The following PTPRD variants were observed in gnomAD, a reference collection of about 807,000 sequenced individuals.
PTPRD encodes the protein receptor-type tyrosine-protein phosphatase delta.
In PTPRD, 34 loss-of-function variants were observed where a neutral mutation model predicts 214.5. The observed-to-expected ratio is 0.16, with a 90% CI of 0.12 to 0.21. The LOEUF (loss-of-function observed/expected upper bound fraction) is 0.21. PTPRD is among the 10% of genes least tolerant of loss of function. The probability of loss-of-function intolerance (pLI) is 1.00; values close to 1 mark genes in which losing one functional copy is unlikely to be tolerated. For missense variants in PTPRD, 2,545 were observed against 2,398.7 expected (o/e 1.06, Z -1.27); for synonymous variants, 1,128 against 845.7 (o/e 1.33, Z -5.79).
intron 7 of PTPRD, among the ~76,000 whole-genome samples, chr9:9,638,099 C>T (rs980905951): frequency 2.6e-5 from 4 of 152,128 alleles, no homozygotes; most frequent in Non-Finnish European, 4.4e-5. Flanking sequence ...TATCAGGCTG[C>T]CTTCTATCCA....
intron 3 of PTPRD, among the ~76,000 whole-genome samples, chr9:10,127,977 T>C (rs563463599): frequency 6.6e-6 from 1 of 152,292 alleles, no homozygotes; most frequent in African/African-American, 2.4e-5. Flanking sequence ...ATCCATTTTA[T>C]ATTATGCTTC....
intron 8 of PTPRD, among the ~76,000 whole-genome samples, chr9:9,433,321 G>C (rs72704607): frequency 0.065 from 9,832 of 152,164 alleles, 348 homozygotes; most frequent in Middle Eastern, 0.17. Context: ...TTTTCAGACT[G>C]AACTGACACA....
At chr9:9,355,610 A>C (rs2053464246) in intron 9 of PTPRD, among the ~76,000 whole-genome samples, 1 of 151,548 alleles carries the variant, frequency 6.6e-6, no homozygotes, top group Non-Finnish European at 1.5e-5. Flanking sequence ...TTTTCTAGAT[A>C]TTCAAGTGGA....
chr9:9,411,336 G>C (rs967701643), intron 8 of PTPRD, among the ~76,000 whole-genome samples: 5 of 145,706 alleles, frequency 3.4e-5, no homozygotes, highest in African/African-American at 1.3e-4. Flanking sequence ...TGCCTTCTAA[G>C]ATTACCACCC....
intron 9 of PTPRD, among the ~76,000 whole-genome samples, chr9:9,232,313 A>G (rs575088673): frequency 6.6e-6 from 1 of 152,186 alleles, no homozygotes; most frequent in Non-Finnish European, 1.5e-5. Context: ...TGTGAGAACT[A>G]TTGAGAACTG....
At chr9:8,377,093 A>G (rs1178011886) in intron 37 of PTPRD, among the ~76,000 whole-genome samples, 3 of 152,134 alleles carry the variant, frequency 2.0e-5, no homozygotes, top group Non-Finnish European at 2.9e-5. Flanking sequence ...ACACTTTGTC[A>G]TTTAAACTAC....
At chr9:9,719,465 T>C (rs1336774896) in intron 7 of PTPRD, among the ~76,000 whole-genome samples, 1 of 152,102 alleles carries the variant, frequency 6.6e-6, no homozygotes, top group Admixed American at 6.5e-5. Context: ...ACCTCTGGAT[T>C]CCCCAAGCCA....
At chr9:9,666,341 AAGT>A (rs2096721610) in intron 7 of PTPRD, among the ~76,000 whole-genome samples, 1 of 151,926 alleles carries the variant, frequency 6.6e-6, no homozygotes, top group Non-Finnish European at 1.5e-5. Flanking sequence ...TTATTTTAAA[AAGT>A]AGTATCAAAA....
At chr9:8,535,529 G>C (rs974314425) in intron 14 of PTPRD, among the ~76,000 whole-genome samples, 2 of 151,792 alleles carry the variant, frequency 1.3e-5, no homozygotes, top group African/African-American at 2.4e-5. Flanking sequence ...GATGTCAAAG[G>C]TTGTTGTGAA....
At chr9:10,228,179 C>T (rs550248733) in intron 3 of PTPRD, among the ~76,000 whole-genome samples, 1 of 151,848 alleles carries the variant, frequency 6.6e-6, no homozygotes, top group African/African-American at 2.4e-5. Context: ...GAACACAACT[C>T]GTTTAGAAGG....
Position 10,095,054 on chromosome 9 carries a change from A to T in PTPRD, c.-544-61264T>A, listed in dbSNP as rs935019390. Among the ~76,000 whole-genome samples the T allele has an allele frequency of 2.0e-5, 3 of 151,376 alleles. No homozygotes were observed. In the Admixed American group the frequency reaches 2.0e-4, roughly 10 times the overall value. On this transcript the variant is annotated intron_variant, in intron 3 of 45. Coordinates refer to ENST00000381196, the MANE Select transcript of PTPRD (RefSeq NM_002839.4). ...TAAGGTGTCAGCATAGAATTTTTTT[A>T]AAAAATAGAAAACTATGCACAATTT...
chr9:9,427,563 G>A (rs757469169), intron 8 of PTPRD, among the ~76,000 whole-genome samples: 6 of 152,052 alleles, frequency 3.9e-5, no homozygotes, highest in African/African-American at 9.7e-5. Flanking sequence ...CACAGAAAAT[G>A]CCACAAAGAT....
intron 7 of PTPRD, among the ~76,000 whole-genome samples, chr9:9,622,392 G>C (rs1431614521): frequency 1.3e-5 from 2 of 152,138 alleles, no homozygotes; most frequent in Non-Finnish European, 2.9e-5. Context: ...GTACAGCCTA[G>C]CTAAGCCCTT....
intron 3 of PTPRD, among the ~76,000 whole-genome samples, chr9:10,340,464 T>C (rs2154443481): frequency 6.6e-6 from 1 of 152,006 alleles, no homozygotes; most frequent in Non-Finnish European, 1.5e-5. Context: ...GGTCTCTTTT[T>C]GTTTTTTGTT....
chr9:8,643,435 G>A (rs540810709), intron 12 of PTPRD, among the ~76,000 whole-genome samples: 1 of 152,312 alleles, frequency 6.6e-6, no homozygotes. Context: ...GAGTCACTGA[G>A]GTTATGAGTG....
In PTPRD at chr9:8,341,747, C is replaced by G. The variant is rs1233056955; in HGVS notation, c.4893G>C (p.Lys1631Asn). The change falls in exon 40 of 46, where the codon AAG becomes AAC. Residue 1631 changes from lysine (K) to asparagine (N), a missense_variant. Coordinates refer to ENST00000381196, the MANE Select transcript of PTPRD (RefSeq NM_002839.4). ...TCTCTCCCGTTTCTATTTGTGTCAG[C>G]TTCTGAATGTAGGCATACAAGTTTC... ...PARNLYAYIQ[K>N]LTQIETGENV... 6.2e-7 allele frequency: 1 copy of G among 1,613,546 alleles called. No homozygotes were observed. Among genetic ancestry groups the G allele is most frequent in the Non-Finnish European group, 8.5e-7 (1 of 1,179,692 alleles).
intron 12 of PTPRD, among the ~76,000 whole-genome samples, chr9:8,652,805 G>C (rs1299110780): frequency 6.6e-6 from 1 of 152,142 alleles, no homozygotes; most frequent in African/African-American, 2.4e-5. Flanking sequence ...TTGAGTAACA[G>C]AAGCATTTGG....
At chr9:9,045,067 A>T (rs2099667836) in intron 10 of PTPRD, among the ~76,000 whole-genome samples, 1 of 152,178 alleles carries the variant, frequency 6.6e-6, no homozygotes. Flanking sequence ...TGTTAAAGAA[A>T]CATGATTGTC....
At chr9:8,336,916 T>C (rs1471638608) in intron 43 of PTPRD, among the ~76,000 whole-genome samples, 3 of 152,184 alleles carry the variant, frequency 2.0e-5, no homozygotes, top group African/African-American at 2.4e-5. Context: ...TTACACCAGT[T>C]AGAATGGCGA....
Sources: allele counts gnomAD v4.1 joint callset (sites outside exome capture counted in the v4.1 genomes callset), GRCh38; gene constraint gnomAD v4.1.1; transcripts MANE v1.5; gene names NCBI Gene and HGNC (gene_info 2026-07-23, HGNC 2026-07-21).